The following AZIN2 variants were observed in gnomAD, a reference collection of about 807,000 sequenced individuals.
AZIN2 encodes antizyme inhibitor 2, also known as ODC antizyme inhibitor-2.
AZIN2 carries 28 observed loss-of-function variants against 47.8 expected under a neutral mutation model. The ratio of observed to expected loss-of-function variants is 0.59; its 90% confidence interval spans 0.43 to 0.80. The LOEUF is 0.80. AZIN2 is among the 30% of genes least tolerant of loss of function. The pLI is 0.00. For synonymous variants in AZIN2, 221 were observed against 239.4 expected (o/e 0.92, Z 0.71); for missense variants, 535 against 582.5 (o/e 0.92, Z 0.84).
chr1:33,120,260 A>T lies in AZIN2; in HGVS notation c.*78A>T. The T allele has an allele frequency of 6.5e-7, 1 of 1,532,700 alleles. No homozygotes were observed. The highest frequency in any genetic ancestry group is 8.8e-7 in the Non-Finnish European group (1 of 1,137,172). The allele number at this position is 1,532,700 out of a possible 1,614,324, so 94.9% of individuals were successfully genotyped here. On this transcript the variant is annotated 3_prime_UTR_variant, in exon 12 of 12. Transcript: ENST00000294517. ...GGAGAGGTGGGGAAGATGGCAGGCA[A>T]GGGTACCCTTGGCCAGGACTCTGGT...
intron 11 of AZIN2, 149 bp from the exon 12 acceptor site, chr1:33,119,895 G>T: frequency 2.0e-6 from 2 of 1,021,968 alleles, no homozygotes; most frequent in Non-Finnish European, 2.8e-6. Context: ...GGAAGCAGTT[G>T]GGGAGGGGTC....
At chr1:33,156,851 T>C in the AZIN2 span, among the ~76,000 whole-genome samples, 4 of 152,180 alleles carry the variant, frequency 2.6e-5, no homozygotes, top group African/African-American at 9.7e-5. Context: ...TCGTCTTCTT[T>C]CTTTCACACC....
chr1:33,086,656 G>A (rs921559372), intron 5 of AZIN2, among the ~76,000 whole-genome samples: 2 of 152,200 alleles, frequency 1.3e-5, no homozygotes, highest in African/African-American at 2.4e-5. Flanking sequence ...TTGGACGGGG[G>A]CCAGGGCCAC....
the AZIN2 span, among the ~76,000 whole-genome samples, chr1:33,131,357 G>T: frequency 6.6e-6 from 1 of 152,216 alleles, no homozygotes; most frequent in Non-Finnish European, 1.5e-5. Context: ...GAAACAGTAA[G>T]ATTGAGGCTA....
At chr1:33,147,328 A>T in the AZIN2 span, 1 of 1,614,214 alleles carries the variant, frequency 6.2e-7, no homozygotes, top group Non-Finnish European at 8.5e-7. This position sits in a 1 kb window ranked among gnomAD's most constrained non-coding sequence, Gnocchi z 8.1. Context: ...GAAGATGAGC[A>T]AGCCTTGGTC....
intron 4 of AZIN2, chr1:33,082,879 C>T (rs1172190280): frequency 1.9e-5 from 3 of 154,244 alleles, no homozygotes; most frequent in Non-Finnish European, 4.3e-5. Context: ...TATTATGCTC[C>T]TTCGGAGCTG....
the AZIN2 span, chr1:33,159,679 G>A: frequency 2.5e-6 from 4 of 1,601,238 alleles, no homozygotes; most frequent in Non-Finnish European, 3.4e-6. This position sits in a 1 kb window ranked among gnomAD's most constrained non-coding sequence, Gnocchi z 4.2. Context: ...CCCGGCGGGT[G>A]GCACTTACCG....
At chr1:33,093,179 TG>T (rs35007588) in intron 6 of AZIN2, 102 bp from the exon 7 acceptor site, 1 of 1,498,288 alleles carries the variant, frequency 6.7e-7, no homozygotes, top group Non-Finnish European at 9.1e-7. Flanking sequence ...CCTGTGGGGT[TG>T]GGTGGCTCTG....
intron 5 of AZIN2, among the ~76,000 whole-genome samples, 181 bp from the exon 6 acceptor site, chr1:33,091,869 T>C (rs891870453): frequency 6.6e-6 from 1 of 152,236 alleles, no homozygotes; most frequent in African/African-American, 2.4e-5. Context: ...CAGCCCTGCT[T>C]ATCAAAGAAT....
chr1:33,146,956 G>A, the AZIN2 span: 3 of 590,420 alleles, frequency 5.1e-6, no homozygotes, highest in East Asian at 5.7e-5. Context: ...GATCAAAGCT[G>A]TATCCCTATC....
At chr1:33,093,846 C>T (rs1642850621) in intron 7 of AZIN2, among the ~76,000 whole-genome samples, 2 of 151,496 alleles carry the variant, frequency 1.3e-5, no homozygotes, top group African/African-American at 4.9e-5. Flanking sequence ...TTCTCTCTCC[C>T]GCCTCAGCCT....
At chr1:33,093,816 G>C (rs1181747507) in intron 7 of AZIN2, among the ~76,000 whole-genome samples, 1 of 146,450 alleles carries the variant, frequency 6.8e-6, no homozygotes, top group Non-Finnish European at 1.5e-5. Flanking sequence ...CTGCAGCCTT[G>C]AGCTCCCAGG....
rs2124680005 is a variant in AZIN2 at position 33,120,707 on chromosome 1, T to G, written c.*525T>G. Among the ~76,000 whole-genome samples, 1 of 152,284 alleles carries G rather than the reference T, an allele frequency of 6.6e-6. No homozygotes were observed. Among genetic ancestry groups the G allele is most frequent in the African/African-American group, 2.4e-5 (1 of 41,564 alleles). ...CTCATCTCTCTCCTCCTCATGGGCC[T>G]CCAGGCCTGGTGCCATAAGGAAGGG... is the stretch of plus-strand genomic sequence containing the variant. On this transcript the variant is annotated 3_prime_UTR_variant, in exon 12 of 12. Coordinates refer to ENST00000294517, the MANE Select transcript of AZIN2 (RefSeq NM_052998.4).
chr1:33,136,817 T>C, the AZIN2 span, among the ~76,000 whole-genome samples: 267 of 150,820 alleles, frequency 1.8e-3, no homozygotes, highest in African/African-American at 5.9e-3. Flanking sequence ...GCCAATATGG[T>C]GAAACCCTGT....
the AZIN2 span, chr1:33,160,011 G>A: frequency 2.6e-6 from 4 of 1,564,206 alleles, no homozygotes; most frequent in Non-Finnish European, 3.5e-6. Flanking sequence ...GGTGAGAGGA[G>A]GAAATCGAGA....
the AZIN2 span, among the ~76,000 whole-genome samples, chr1:33,131,486 T>G: frequency 6.6e-6 from 1 of 152,324 alleles, no homozygotes; most frequent in South Asian, 2.1e-4. Context: ...AAATTGAATG[T>G]GTTATAAGTG....
chr1:33,114,589 G>A (rs1283951120), intron 10 of AZIN2, among the ~76,000 whole-genome samples: 1 of 149,492 alleles, frequency 6.7e-6, no homozygotes, highest in Admixed American at 6.7e-5. Context: ...TCCTGACCTC[G>A]TGATCCACCC....
chr1:33,094,744 G>C lies in AZIN2; in HGVS notation c.753+31G>C, dbSNP rs565542130. Reference sequence around the variant, plus strand: ...CCTGGAGCTGGGAGTGTCATGCTGGGCTCTATGGCGGGGAGGATAGGGAGG... The same window carrying C: ...CCTGGAGCTGGGAGTGTCATGCTGGCCTCTATGGCGGGGAGGATAGGGAGG... On this transcript the variant is annotated intron_variant, in intron 8 of 11. Coordinates refer to ENST00000294517, the MANE Select transcript of AZIN2 (RefSeq NM_052998.4). The C allele has an allele frequency of 9.3e-6, 15 of 1,611,040 alleles. No homozygotes were observed. The South Asian group carries it at 1.7e-4, about 18-fold the overall frequency.
chr1:33,156,910 A>G, the AZIN2 span, among the ~76,000 whole-genome samples: 1 of 151,786 alleles, frequency 6.6e-6, no homozygotes, highest in Non-Finnish European at 1.5e-5. Flanking sequence ...CTTACAAAAT[A>G]TGTCCTAAAT....
Sources: gnomAD v4.1 joint callset for allele counts (sites outside exome capture counted in the v4.1 genomes callset) on GRCh38, gnomAD v4.1.1 for gene constraint, Gnocchi (gnomAD v3.1) non-coding constraint, MANE v1.5 for transcripts, NCBI Gene and HGNC (gene_info 2026-07-23, HGNC 2026-07-21) for gene names.